The following TARDBP variants were observed in gnomAD, a reference collection of about 807,000 sequenced individuals.
The protein encoded by TARDBP is TAR DNA binding protein, also known as TAR DNA-binding protein 43.
A neutral mutation model predicts 38.3 loss-of-function variants in TARDBP; 4 were observed. The ratio of observed to expected loss-of-function variants is 0.10; its 90% confidence interval spans 0.05 to 0.24. The LOEUF is 0.24. TARDBP is among the 10% of genes least tolerant of loss of function. TARDBP has a pLI of 1.00. For synonymous variants in TARDBP, 184 were observed against 183.8 expected, an observed-to-expected ratio of 1.00 and a Z score of -0.01; for missense variants, 202 against 521.9, an observed-to-expected ratio of 0.39 and a Z score of 5.97.
chr1:11,023,264 A>G lies in TARDBP; in HGVS notation c.*610A>G. The G allele has an allele frequency of 6.5e-7, 1 of 1,550,284 alleles. No homozygotes were observed. The highest frequency in any genetic ancestry group is 1.2e-5 in the South Asian group (1 of 84,038). On this transcript the variant is annotated 3_prime_UTR_variant, in exon 6 of 6. Transcript: ENST00000240185. ...AGTGCTGTAAATATTCTGCCATAGG[A>G]ATACTGTCTACATGCTTTCTCATTC...
At chr1:11,029,995 C>G, downstream of TARDBP, 1 of 529,290 alleles carries the variant, frequency 1.9e-6, no homozygotes, top group Non-Finnish European at 3.3e-6. Flanking sequence ...CAGTCAGCAC[C>G]TAACAACCTC....
intron 1 of TARDBP, among the ~76,000 whole-genome samples, chr1:11,013,367 C>T (rs1223529943): frequency 1.3e-5 from 2 of 152,232 alleles, no homozygotes; most frequent in Admixed American, 6.5e-5. Context: ...GATTACTTAA[C>T]GACTAACCCG....
At position 11,022,931 on chromosome 1, in the gene TARDBP, C is replaced by A; in HGVS notation, c.*277C>A. 1 of 1,361,632 alleles carries A rather than the reference C, an allele frequency of 7.3e-7. No individual in the cohort carries two copies. The highest frequency in any genetic ancestry group is 9.5e-7 in the Non-Finnish European group (1 of 1,058,054). The allele number at this position is 1,361,632 out of a possible 1,614,324, so 84.3% of individuals were successfully genotyped here. ...TAAACCAACACACTACAATTGATATCAAAAGGTTTCTCCTGTAATATTTTA... is the reference window on the plus strand; with the variant it reads ...TAAACCAACACACTACAATTGATATAAAAAGGTTTCTCCTGTAATATTTTA... On this transcript the variant is annotated 3_prime_UTR_variant, in exon 6 of 6. Coordinates refer to ENST00000240185, the MANE Select transcript of TARDBP (RefSeq NM_007375.4). This position sits in a 1 kb window ranked among gnomAD's most constrained non-coding sequence, Gnocchi z 4.5.
In TARDBP at chr1:11,022,085, G is replaced by C. The variant is rs748875432; in HGVS notation, c.715-39G>C. The C allele has an allele frequency of 3.1e-6, 5 of 1,610,552 alleles. No homozygotes were observed. The highest frequency in any genetic ancestry group is 4.2e-6 in the Non-Finnish European group (5 of 1,177,014). On this transcript the variant is annotated intron_variant, in intron 5 of 5. Coordinates refer to ENST00000240185, the MANE Select transcript of TARDBP (RefSeq NM_007375.4). The surrounding 1 kb of genome is among the most constrained non-coding windows in gnomAD (Gnocchi z 4.5). The stretch of plus-strand genomic sequence containing the variant: ...TGCTACTTTAAATATATGAATCAGT[G>C]GTTTAATCTTCTTTGTTTACATCCC...
chr1:11,027,616 G>T (rs376909147), downstream of TARDBP: 1 of 1,613,650 alleles, frequency 6.2e-7, no homozygotes, highest in South Asian at 1.1e-5. Context: ...CCATATATAC[G>T]CCCTCCTGTT....
intron 4 of TARDBP, 52 bp from the exon 5 acceptor site, chr1:11,020,377 T>C: frequency 6.2e-7 from 1 of 1,608,708 alleles, no homozygotes; most frequent in Admixed American, 1.7e-5. Flanking sequence ...AATGTTTTTT[T>C]CATTGTTCAT....
chr1:11,026,935 T>A (rs1289010289), downstream of TARDBP: 1 of 1,513,776 alleles, frequency 6.6e-7, no homozygotes, highest in East Asian at 2.3e-5. Context: ...TTAATAACTT[T>A]TGTGTAGACT....
At chr1:11,027,875 T>C (rs1253659727), downstream of TARDBP, among the ~76,000 whole-genome samples, 1 of 152,218 alleles carries the variant, frequency 6.6e-6, no homozygotes, top group African/African-American at 2.4e-5. Context: ...ATGAGATTAG[T>C]GAAAACTGAC....
chr1:11,030,181 T>C (rs1201064554), downstream of TARDBP: 2 of 1,611,406 alleles, frequency 1.2e-6, no homozygotes, highest in Non-Finnish European at 1.7e-6. Context: ...ATTACCAGGC[T>C]CACAGACTGG....
At chr1:11,021,126 G>A (rs969206210) in intron 5 of TARDBP, among the ~76,000 whole-genome samples, 1 of 151,840 alleles carries the variant, frequency 6.6e-6, no homozygotes, top group Admixed American at 6.6e-5. Flanking sequence ...TGTGGCATTT[G>A]GGAATGTTAT....
At chr1:11,012,950 C>G (rs1170814183) in intron 1 of TARDBP, among the ~76,000 whole-genome samples, 1 of 152,228 alleles carries the variant, frequency 6.6e-6, no homozygotes, top group Non-Finnish European at 1.5e-5. Flanking sequence ...GGGGCCGGGC[C>G]CGCGGTGCCG....
At chr1:11,015,202 C>T (rs1181466135) in intron 2 of TARDBP, among the ~76,000 whole-genome samples, 1 of 151,468 alleles carries the variant, frequency 6.6e-6, no homozygotes, top group Non-Finnish European at 1.5e-5. Flanking sequence ...TTTAAAATGT[C>T]AGGCTCGGTG....
intron 1 of TARDBP, among the ~76,000 whole-genome samples, chr1:11,013,226 C>T (rs578028808): frequency 2.6e-5 from 4 of 152,354 alleles, no homozygotes; most frequent in Admixed American, 6.5e-5. Context: ...AACTTTTCTC[C>T]TGTTCTTTAC....
At chr1:11,015,289 C>T (rs1643498359) in intron 2 of TARDBP, among the ~76,000 whole-genome samples, 2 of 151,384 alleles carry the variant, frequency 1.3e-5, no homozygotes, top group South Asian at 4.2e-4. Flanking sequence ...AGTTCAAGAC[C>T]ACCCTAGCCA....
chr1:11,026,850 TA>T, downstream of TARDBP: 1 of 1,455,436 alleles, frequency 6.9e-7, no homozygotes, highest in Non-Finnish European at 9.1e-7. Context: ...CAGGCATTTC[TA>T]AAAATGAAGA....
At chr1:11,014,067 CTT>C (rs1643467909) in intron 2 of TARDBP, 102 bp downstream of exon 2, 4 of 1,197,694 alleles carry the variant, frequency 3.3e-6, no homozygotes, top group Admixed American at 1.7e-5. Flanking sequence ...TCTCCTGAAA[CTT>C]AAGTATTTCC....
At chr1:11,029,705 G>C (rs1020829356), downstream of TARDBP, 1 of 129,432 alleles carries the variant, frequency 7.7e-6, no homozygotes, top group Non-Finnish European at 1.6e-5. Context: ...ATAATGGTGC[G>C]ATCTGGGCTC....
In TARDBP at chr1:11,022,189, C is replaced by G. The variant is rs945279656; in HGVS notation, c.780C>G (p.Ala260=). 16 of 1,613,914 alleles carry G rather than the reference C, an allele frequency of 9.9e-6. No individual in the cohort carries two copies. The highest frequency in any genetic ancestry group is 1.4e-5 in the Non-Finnish European group (16 of 1,179,858). ...GAATCAGCGTTCATATATCCAATGC[C>G]GAACCTAAGCACAATAGCAATAGAC... ...IKGISVHISN[A]EPKHNSNRQL... Residue 260 remains alanine, a synonymous_variant, in exon 6 of 6, where the codon GCC becomes GCG. Transcript: ENST00000240185. The surrounding 1 kb of genome is among the most constrained non-coding windows in gnomAD (Gnocchi z 4.5).
In TARDBP at chr1:11,022,540, T is replaced by G. The variant is rs1643662142; in HGVS notation, c.1131T>G (p.Ser377=). Reference sequence around the variant, plus strand: ...CTGGAAATAACTCTTATAGTGGCTCTAATTCTGGTGCAGCAATTGGTTGGG... The same window carrying G: ...CTGGAAATAACTCTTATAGTGGCTCGAATTCTGGTGCAGCAATTGGTTGGG... ...FGSGNNSYSG[S]NSGAAIGWGS... Residue 377 remains serine, a synonymous_variant, in exon 6 of 6, where the codon TCT becomes TCG. Transcript: ENST00000240185. This position sits in a 1 kb window ranked among gnomAD's most constrained non-coding sequence, Gnocchi z 4.5. 8.2e-6 allele frequency: 13 copies of G among 1,584,358 alleles called. No individual in the cohort carries two copies. The highest frequency in any genetic ancestry group is 1.1e-5 in the Non-Finnish European group (13 of 1,162,788).
Sources: allele counts gnomAD v4.1 joint callset (sites outside exome capture counted in the v4.1 genomes callset), GRCh38; gene constraint gnomAD v4.1.1; non-coding constraint Gnocchi (gnomAD v3.1); transcripts MANE v1.5; gene names NCBI Gene and HGNC (gene_info 2026-07-23, HGNC 2026-07-21).